The following DNAH11 variants were observed in gnomAD, a reference collection of about 807,000 sequenced individuals.
DNAH11 encodes the protein dynein axonemal heavy chain 11.
In DNAH11, 442 loss-of-function variants were observed where a neutral mutation model predicts 526.0. That is an observed-to-expected ratio of 0.84 (90% CI 0.78 to 0.91). The LOEUF (loss-of-function observed/expected upper bound fraction) is 0.91. Among genes scored for constraint, DNAH11 ranks in the 40% least tolerant of loss-of-function variants. DNAH11 has a pLI of 0.00. For synonymous variants in DNAH11, 2,461 were observed against 1,935.9 expected (o/e 1.27, Z -7.12); for missense variants, 6,989 against 5,448.7 (o/e 1.28, Z -8.90).
intron 55 of DNAH11, among the ~76,000 whole-genome samples, chr7:21,768,164 C>G (rs1332001418): frequency 6.6e-6 from 1 of 152,160 alleles, no homozygotes; most frequent in Non-Finnish European, 1.5e-5. Flanking sequence ...CGCACACTAC[C>G]TCTCCAAGGA....
intron 66 of DNAH11, among the ~76,000 whole-genome samples, chr7:21,850,553 T>G (rs571820224): frequency 6.6e-6 from 1 of 151,382 alleles, no homozygotes; most frequent in African/African-American, 2.4e-5. Context: ...GTTTGATAAT[T>G]CCAAAATTTC....
In DNAH11 at chr7:21,617,434, G is replaced by A. The variant is rs73682653; in HGVS notation, c.4096-185G>A. The stretch of plus-strand genomic sequence containing the variant: ...TATACAAGTGGCTTGTACGGAGTGG[G>A]CTTGTAATGTACAAATGAGTGGATC... On this transcript the variant is annotated intron_variant, in intron 22 of 81. Transcript: ENST00000409508. Among the ~76,000 whole-genome samples, 440 of 152,338 alleles carry A rather than the reference G, an allele frequency of 2.9e-3. 3 individuals are homozygous for A. The highest frequency in any genetic ancestry group is 9.8e-3 in the African/African-American group (409 of 41,578).
At chr7:21,694,114 C>T (rs925515857) in intron 35 of DNAH11, among the ~76,000 whole-genome samples, 7 of 152,192 alleles carry the variant, frequency 4.6e-5, no homozygotes, top group Non-Finnish European at 8.8e-5. Context: ...TACAATTCAA[C>T]ATGAGATTTG....
intron 31 of DNAH11, among the ~76,000 whole-genome samples, chr7:21,683,206 A>C (rs1783213267): frequency 6.6e-6 from 1 of 152,228 alleles, no homozygotes; most frequent in Admixed American, 6.5e-5. Context: ...ACTGATTCTC[A>C]AGAAATCCAA....
In DNAH11 at chr7:21,619,215, C is replaced by T. The variant is rs200220615; in HGVS notation, c.4370C>T (p.Thr1457Ile). The T allele has an allele frequency of 8.7e-5, 140 of 1,612,690 alleles. No individual in the cohort carries two copies. Among genetic ancestry groups the T allele is most frequent in the Non-Finnish European group, 1.8e-5 (21 of 1,179,344 alleles). The change falls in exon 24 of 82, where the codon ACT becomes ATT. Residue 1457 changes from threonine to isoleucine, a missense_variant. Transcript: ENST00000409508. ...IVDKAVKELG[T>I]EKVITEISQT... Reference sequence around the variant, plus strand: ...GACAAGGCGGTGAAAGAGCTGGGGACTGAGAAGGTAGTGTCCTCGGGACTG... The same window carrying T: ...GACAAGGCGGTGAAAGAGCTGGGGATTGAGAAGGTAGTGTCCTCGGGACTG...
chr7:21,854,447 T>C lies in DNAH11; in HGVS notation c.11194T>C (p.Ser3732Pro), dbSNP rs1782756647. The C allele has an allele frequency of 6.2e-7, 1 of 1,613,354 alleles. No homozygotes were observed. The highest frequency in any genetic ancestry group is 1.7e-5 in the Admixed American group (1 of 59,974). Residue 3732 changes from serine (S) to proline (P), a missense_variant, in exon 68 of 82, where the codon TCT becomes CCT. Ser to Pro is a moderately conservative substitution (Grantham distance 74, BLOSUM62 -1). Transcript: ENST00000409508. ...LQKINPLYQFSLKAFNVLFHR... is the reference protein window; with the variant it reads ...LQKINPLYQFPLKAFNVLFHR... ...AAAAATCAACCCCCTCTACCAATTCTCTTTGAAGGTAATGCTGAATGAGCT... is the reference window on the plus strand; with the variant it reads ...AAAAATCAACCCCCTCTACCAATTCCCTTTGAAGGTAATGCTGAATGAGCT...
At chr7:21,782,279 A>G (rs962317702) in intron 57 of DNAH11, among the ~76,000 whole-genome samples, 1 of 152,150 alleles carries the variant, frequency 6.6e-6, no homozygotes, top group African/African-American at 2.4e-5. Context: ...TTGTAGGGGG[A>G]AAGCACACTC....
chr7:21,660,284 A>C (rs780136685), intron 30 of DNAH11, among the ~76,000 whole-genome samples: 5 of 152,082 alleles, frequency 3.3e-5, no homozygotes, highest in Non-Finnish European at 5.9e-5. Flanking sequence ...TATGCATATA[A>C]GTAAGGACAT....
intron 65 of DNAH11, among the ~76,000 whole-genome samples, chr7:21,819,507 T>C (rs766926679): frequency 3.3e-5 from 5 of 152,222 alleles, no homozygotes; most frequent in Non-Finnish European, 7.3e-5. Flanking sequence ...CTGTGTCTGA[T>C]GTGTTAAAAA....
chr7:21,779,451 T>C (rs1018146804), intron 57 of DNAH11, among the ~76,000 whole-genome samples: 2 of 152,180 alleles, frequency 1.3e-5, no homozygotes, highest in East Asian at 1.9e-4. Flanking sequence ...TTTAGGCAAA[T>C]TGAACAACTC....
At chr7:21,891,283 A>C (rs953887236) in intron 76 of DNAH11, among the ~76,000 whole-genome samples, 3 of 152,224 alleles carry the variant, frequency 2.0e-5, no homozygotes, top group African/African-American at 7.2e-5. Flanking sequence ...ATCCCATTTC[A>C]GAAACTGACT....
chr7:21,801,997 T>TAA (rs1280504532), intron 62 of DNAH11, among the ~76,000 whole-genome samples: 2 of 152,340 alleles, frequency 1.3e-5, no homozygotes, highest in African/African-American at 4.8e-5. Flanking sequence ...ACGTGGCATT[T>TAA]AACAGTTCTG....
chr7:21,549,524 G>A (rs1782939719), intron 2 of DNAH11, among the ~76,000 whole-genome samples: 1 of 152,140 alleles, frequency 6.6e-6, no homozygotes, highest in African/African-American at 2.4e-5. Flanking sequence ...ATTAGTTTGA[G>A]AACAAATTGC....
intron 65 of DNAH11, among the ~76,000 whole-genome samples, chr7:21,834,974 A>G (rs1781938769): frequency 6.6e-6 from 1 of 152,216 alleles, no homozygotes; most frequent in Non-Finnish European, 1.5e-5. Flanking sequence ...ATAACAGACT[A>G]TTATGAACAA....
At chr7:21,616,174 G>C (rs377314324) in intron 21 of DNAH11, 35 bp from the exon 22 acceptor site, 22 of 1,544,444 alleles carry the variant, frequency 1.4e-5, no homozygotes, top group Non-Finnish European at 2.0e-5. Context: ...TTCACCAAAT[G>C]TTGTTGACAC....
intron 45 of DNAH11, among the ~76,000 whole-genome samples, chr7:21,729,175 A>G (rs1383324831): frequency 6.6e-6 from 1 of 152,212 alleles, no homozygotes; most frequent in Admixed American, 6.5e-5. Flanking sequence ...TTGGAGGTTA[A>G]TACATTATTT....
chr7:21,653,669 G>A lies in DNAH11; in HGVS notation c.4945-2163G>A, dbSNP rs78143376. 2.0e-5 allele frequency among the ~76,000 whole-genome samples: 3 copies of A among 152,158 alleles called. No individual in the cohort carries two copies. The East Asian group carries it at 5.8e-4, about 29-fold the overall frequency. ...GACTTTCTCTATATTAATATCCTCT[G>A]GGTAATGTACAGGGATGGAGGAGAA... On this transcript the variant is annotated intron_variant, in intron 28 of 81. Transcript: ENST00000409508.
intron 68 of DNAH11, among the ~76,000 whole-genome samples, chr7:21,856,666 T>C (rs2128027030): frequency 6.6e-6 from 1 of 152,208 alleles, no homozygotes; most frequent in East Asian, 1.9e-4. Flanking sequence ...AAGAATCAAA[T>C]TGGTTTAACA....
At chr7:21,747,986 T>C (rs759764965) in intron 51 of DNAH11, among the ~76,000 whole-genome samples, 8 of 152,220 alleles carry the variant, frequency 5.3e-5, no homozygotes, top group Non-Finnish European at 1.0e-4. Context: ...ATATATTTTC[T>C]TTTTGGACTT....
Sources: gnomAD v4.1 joint callset for allele counts (sites outside exome capture counted in the v4.1 genomes callset) on GRCh38, gnomAD v4.1.1 for gene constraint, MANE v1.5 for transcripts, NCBI Gene and HGNC (gene_info 2026-07-23, HGNC 2026-07-21) for gene names.